The following PRKDC variants were observed in gnomAD, a reference collection of about 807,000 sequenced individuals.
The protein encoded by PRKDC is protein kinase, DNA-activated, catalytic subunit, also known as DNA-dependent protein kinase catalytic subunit.
A neutral mutation model predicts 486.9 loss-of-function variants in PRKDC; 82 were observed. The observed-to-expected ratio is 0.17, with a 90% CI of 0.14 to 0.20. The LOEUF is 0.20. PRKDC is among the 10% of genes least tolerant of loss of function. PRKDC has a pLI of 1.00. For missense variants in PRKDC, 4,504 were observed against 5,038.2 expected (o/e 0.89, Z 3.21); for synonymous variants, 1,895 against 1,837.0 (o/e 1.03, Z -0.81).
At chr8:47,817,190 T>C (rs762028363) in intron 68 of PRKDC, among the ~76,000 whole-genome samples, 4 of 152,218 alleles carry the variant, frequency 2.6e-5, no homozygotes, top group Non-Finnish European at 5.9e-5. Context: ...ACACTGACCC[T>C]GTCTCCCTTC....
intron 40 of PRKDC, among the ~76,000 whole-genome samples, chr8:47,872,284 A>C (rs918867080): frequency 2.0e-5 from 3 of 152,148 alleles, no homozygotes; most frequent in African/African-American, 7.2e-5. Context: ...ACATACAACA[A>C]ACACACAAAA....
chr8:47,910,463 T>C (rs779270553), intron 25 of PRKDC, among the ~76,000 whole-genome samples: 6 of 152,192 alleles, frequency 3.9e-5, no homozygotes, highest in Non-Finnish European at 7.4e-5. Flanking sequence ...ATAGACACAA[T>C]TTTCATATAC....
chr8:47,854,518 T>C (rs942207668), intron 50 of PRKDC, among the ~76,000 whole-genome samples: 5 of 152,166 alleles, frequency 3.3e-5, no homozygotes, highest in Non-Finnish European at 7.3e-5. Flanking sequence ...TTTTGTATTT[T>C]TTTAGTAGAG....
At chr8:47,845,598 AAAACAAACAAACAAAC>A (rs535986915) in intron 54 of PRKDC, among the ~76,000 whole-genome samples, 3 of 152,032 alleles carry the variant, frequency 2.0e-5, no homozygotes, top group African/African-American at 7.2e-5. Flanking sequence ...CCAGAAATTA[AAAACAAACAAACAAAC>A]AAACAAACAA....
rs776255004 is a variant in PRKDC, at chr8:47,886,094, G to T, written c.4626C>A (p.Ser1542=). The T allele has an allele frequency of 6.2e-7, 1 of 1,613,512 alleles. No homozygotes were observed. Among genetic ancestry groups the T allele is most frequent in the Non-Finnish European group, 8.5e-7 (1 of 1,179,872 alleles). ...TGACGCTGCCCTGTGAGCTGCCCAA[G>T]GACGCCGTGGACAGCACCGCTGGGT... ...LLNPAVLSTA[S]LGSSQGSVIH... The change falls in exon 36 of 86, where the codon TCC becomes TCA. Residue 1542 remains serine, a synonymous_variant. Transcript: ENST00000314191.
chr8:47,821,861 G>T, intron 64 of PRKDC, 69 bp from the exon 65 acceptor site: 1 of 1,304,232 alleles, frequency 7.7e-7, no homozygotes, highest in Non-Finnish European at 1.0e-6. Flanking sequence ...CACGTAAAAA[G>T]GAGGAATGTA....
At chr8:47,916,644 G>A (rs547948638) in intron 22 of PRKDC, among the ~76,000 whole-genome samples, 32 of 152,246 alleles carry the variant, frequency 2.1e-4, no homozygotes, top group Admixed American at 1.5e-3. Context: ...GTGCCTTTCA[G>A]TTGTCATTTC....
intron 16 of PRKDC, 61 bp from the exon 17 acceptor site, chr8:47,930,848 T>C: frequency 1.4e-6 from 2 of 1,462,446 alleles, no homozygotes; most frequent in Non-Finnish European, 9.2e-7. Context: ...ACTCAACAAA[T>C]AACTTTCCAA....
intron 22 of PRKDC, 132 bp downstream of exon 22, chr8:47,918,145 T>A: frequency 1.8e-6 from 1 of 557,344 alleles, no homozygotes; most frequent in Admixed American, 3.8e-5. Context: ...TATATTAAAA[T>A]TATTTTTATA....
Position 47,953,716 on chromosome 8 carries a change from T to C in PRKDC, c.625A>G (p.Thr209Ala). Reference sequence around the variant, plus strand: ...AGTTTGGGCTCTCTTACTGCTGATGTCATCTAAAAGAAAAGATTTAAGAAG... The same window carrying C: ...AGTTTGGGCTCTCTTACTGCTGATGCCATCTAAAAGAAAAGATTTAAGAAG... ...AFLGELKTQM[T>A]SAVREPKLPV... Residue 209 changes from threonine to alanine, a missense_variant, in exon 7 of 86, where the codon ACA (threonine) becomes GCA (alanine). Coordinates refer to ENST00000314191, the MANE Select transcript of PRKDC (RefSeq NM_006904.7). 6.2e-7 allele frequency: 1 copy of C among 1,610,304 alleles called. No homozygotes were observed. The highest frequency in any genetic ancestry group is 2.2e-5 in the East Asian group (1 of 44,846).
chr8:47,927,918 T>C (rs764220979), intron 19 of PRKDC, 28 bp from the exon 20 acceptor site: 27 of 1,473,180 alleles, frequency 1.8e-5, no homozygotes, highest in African/African-American at 8.6e-5. Flanking sequence ...CAGTAATGTA[T>C]ATCTGAATAG....
chr8:47,840,540 T>G (rs1042709395), intron 54 of PRKDC, among the ~76,000 whole-genome samples: 5 of 152,224 alleles, frequency 3.3e-5, no homozygotes, highest in African/African-American at 1.2e-4. Flanking sequence ...GTAAAGGGTG[T>G]ATATGGAAAT....
chr8:47,918,363 C>T lies in PRKDC; in HGVS notation c.2440G>A (p.Glu814Lys), dbSNP rs1159974826. ...ALSDETKNNW[E>K]VSALSRAAQK... ...GCAGCCCGAGAAAGAGCTGACACTT[C>T]CCAGTTATTCTTGGTCTCATCTATC... Residue 814 changes from glutamate (E) to lysine (K), a missense_variant, in exon 22 of 86, where the codon GAA becomes AAA. Around this residue, in one of 6 missense-constraint regions of PRKDC, gnomAD observed 1,969 missense variants for 2,068.9 expected, o/e 0.95. Coordinates refer to ENST00000314191, the MANE Select transcript of PRKDC (RefSeq NM_006904.7). The T allele has an allele frequency of 1.9e-6, 3 of 1,583,648 alleles. No homozygotes were observed. The highest frequency in any genetic ancestry group is 2.6e-6 in the Non-Finnish European group (3 of 1,163,880).
chr8:47,915,417 T>G lies in PRKDC; in HGVS notation c.2528A>C (p.Asn843Thr). 1 of 1,506,860 alleles carries G rather than the reference T, an allele frequency of 6.6e-7. No homozygotes were observed. The highest frequency in any genetic ancestry group is 9.0e-7 in the Non-Finnish European group (1 of 1,105,298). The allele number at this position is 1,506,860 out of a possible 1,614,324, so 93.3% of individuals were successfully genotyped here. A position where few individuals can be genotyped will look rare whatever the true frequency, so the allele number is the denominator to read the frequency against. The change falls in exon 23 of 86, where the codon AAC becomes ACC. Residue 843 changes from asparagine (N) to threonine (T), a missense_variant and splice_region_variant. Asn to Thr is a moderately conservative substitution (Grantham distance 65). Coordinates refer to ENST00000314191, the MANE Select transcript of PRKDC (RefSeq NM_006904.7). ...HLKKTKNLSS[N>T]EAISLEEIRI... ...TATTTCTTCTAAGGATATTGCTTCG[T>G]TCTGTAAATTTGAACAATTGTATAT...
intron 68 of PRKDC, among the ~76,000 whole-genome samples, chr8:47,812,636 A>G (rs1589713730): frequency 6.6e-6 from 1 of 152,352 alleles, no homozygotes; most frequent in East Asian, 1.9e-4. Flanking sequence ...TGCTTATATT[A>G]GGAGGAAGAA....
intron 36 of PRKDC, among the ~76,000 whole-genome samples, chr8:47,882,562 C>T (rs970155539): frequency 2.0e-5 from 3 of 152,200 alleles, no homozygotes; most frequent in Admixed American, 6.5e-5. Flanking sequence ...TCCGGTCCCA[C>T]CACCACCATA....
chr8:47,848,684 G>GT, intron 54 of PRKDC, among the ~76,000 whole-genome samples: 1 of 149,930 alleles, frequency 6.7e-6, no homozygotes, highest in Non-Finnish European at 1.5e-5. Context: ...TGGACTAATA[G>GT]ACTAAGACTG....
At chr8:47,784,660 G>A (rs2086760886) in intron 77 of PRKDC, among the ~76,000 whole-genome samples, 1 of 151,064 alleles carries the variant, frequency 6.6e-6, no homozygotes, top group South Asian at 2.1e-4. Flanking sequence ...TTAATATTAT[G>A]ATCTTTTTTC....
intron 12 of PRKDC, among the ~76,000 whole-genome samples, chr8:47,936,103 G>T (rs2090346970): frequency 1.3e-5 from 2 of 151,918 alleles, no homozygotes; most frequent in African/African-American, 4.8e-5. Context: ...TTGTCTTGAG[G>T]TGCAATTCTA....
Sources: gnomAD v4.1 joint callset for allele counts (sites outside exome capture counted in the v4.1 genomes callset) on GRCh38, gnomAD v4.1.1 for gene constraint, gnomAD v4.1.1 regional missense constraint, MANE v1.5 for transcripts, NCBI Gene and HGNC (gene_info 2026-07-23, HGNC 2026-07-21) for gene names.